The following FPGS variants were observed in gnomAD, a reference collection of about 807,000 sequenced individuals.
The protein encoded by FPGS is folylpolyglutamate synthase, also known as folylpolyglutamate synthase, mitochondrial.
A neutral mutation model predicts 66.5 loss-of-function variants in FPGS; 53 were observed. That is an observed-to-expected ratio of 0.80 (90% CI 0.64 to 1.00). The LOEUF (loss-of-function observed/expected upper bound fraction) is 1.00. Ranked by LOEUF, FPGS falls within the 50% of genes least tolerant of loss-of-function variation. The pLI is 0.00. For missense variants in FPGS, 702 were observed against 807.7 expected (o/e 0.87, Z 1.59); for synonymous variants, 348 against 350.9 (o/e 0.99, Z 0.09).
chr9:127,809,674 C>A lies in FPGS; in HGVS notation c.1061-10C>A. On this transcript the variant is annotated splice_polypyrimidine_tract_variant and intron_variant, in intron 11 of 14. Transcript: ENST00000373247. ...AGGGCCTGGAGGACTGCCTTGCTGC[C>A]CTCCCCCAGGGCTTCGGAACACGGA... 6.3e-7 allele frequency: 1 copy of A among 1,582,890 alleles called. No homozygotes were observed. Among genetic ancestry groups the A allele is most frequent in the South Asian group, 1.1e-5 (1 of 89,110 alleles).
intron 4 of FPGS, chr9:127,804,995 TCTC>T (rs1829754353): frequency 2.9e-6 from 1 of 339,602 alleles, no homozygotes; most frequent in African/African-American, 2.2e-5. Context: ...TTCAAGCAAT[TCTC>T]CTGCTTCAGC....
chr9:127,809,876 A>G (rs1268890727), intron 12 of FPGS, 42 bp downstream of exon 12: 2 of 704,256 alleles, frequency 2.8e-6, no homozygotes, highest in East Asian at 5.1e-5. Context: ...CTGGCCCACG[A>G]GGAGGGGCGG....
intron 1 of FPGS, chr9:127,803,501 C>T (rs182106590): frequency 1.4e-5 from 11 of 800,628 alleles, no homozygotes; most frequent in Admixed American, 6.2e-5. Context: ...ATCCAAGTGC[C>T]TGGATTTGGG....
intron 4 of FPGS, chr9:127,806,460 T>A (rs1211686905): frequency 6.3e-6 from 1 of 158,398 alleles, no homozygotes; most frequent in Non-Finnish European, 1.4e-5. Flanking sequence ...GAGCCAAGAT[T>A]GCACCACTGC....
intron 13 of FPGS, 44 bp downstream of exon 13, chr9:127,810,150 C>T (rs1830012364): frequency 6.4e-7 from 1 of 1,561,838 alleles, no homozygotes; most frequent in South Asian, 1.1e-5. Flanking sequence ...GTCCTGAAGC[C>T]CTGGGTCTGG....
intron 14 of FPGS, among the ~76,000 whole-genome samples, chr9:127,811,545 G>A (rs576595498): frequency 3.9e-4 from 60 of 152,230 alleles, no homozygotes; most frequent in Non-Finnish European, 5.9e-5. Flanking sequence ...GAATATAGTG[G>A]CACAATCTCA....
intron 8 of FPGS, chr9:127,808,022 C>T (rs1829889218): frequency 3.4e-6 from 2 of 582,408 alleles, no homozygotes; most frequent in Non-Finnish European, 6.1e-6. Flanking sequence ...AGGAGAATCA[C>T]TCGAACCCGG....
In FPGS at chr9:127,811,009, C is replaced by A; in HGVS notation, c.1352C>A (p.Ala451Glu). The stretch of plus-strand genomic sequence containing the variant: ...ACAGAGGTGTCATCCACAGGCAACG[C>A]AGGTGAGAGGTGACAGGCATGGCCC... Reference protein sequence around the residue: ...NLTEVSSTGNADQQNFTVTLD... With the variant: ...NLTEVSSTGNEDQQNFTVTLD... Residue 451 changes from alanine (A) to glutamate (E), a missense_variant and splice_region_variant, in exon 14 of 15, where the codon GCA becomes GAA. Coordinates refer to ENST00000373247, the MANE Select transcript of FPGS (RefSeq NM_004957.6). 1 of 1,584,522 alleles carries A rather than the reference C, an allele frequency of 6.3e-7. No homozygotes were observed.
chr9:127,808,432 G>T lies in FPGS; in HGVS notation c.822+121G>T, dbSNP rs373153022. The stretch of plus-strand genomic sequence containing the variant: ...GTGCAGTGAGGACGCTGGGCCAGCT[G>T]CCAGGCCTGCTGGAACACATCTCAG... On this transcript the variant is annotated intron_variant, in intron 9 of 14. Coordinates refer to ENST00000373247, the MANE Select transcript of FPGS (RefSeq NM_004957.6). The T allele has an allele frequency of 3.3e-5, 50 of 1,510,798 alleles. No individual in the cohort carries two copies. The African/African-American group carries it at 5.1e-4, about 15-fold the overall frequency. 93.6% of individuals were successfully genotyped at this position (1,510,798 alleles called of 1,614,324 possible).
Position 127,813,913 on chromosome 9 carries a change from C to T in FPGS, c.*309C>T, listed in dbSNP as rs147198790. 1.8e-5 allele frequency: 21 copies of T among 1,155,802 alleles called. No individual in the cohort carries two copies. The highest frequency in any genetic ancestry group is 8.3e-5 in the South Asian group (2 of 24,148). The allele number at this position is 1,155,802 out of a possible 1,614,324, so 71.6% of individuals were successfully genotyped here. A position where few individuals can be genotyped will look rare whatever the true frequency, so the allele number is the denominator to read the frequency against. On this transcript the variant is annotated 3_prime_UTR_variant, in exon 15 of 15. Transcript: ENST00000373247. ...TGGCTCAGGCCCAGCTTATTGTGTG[C>T]GCTGCCTGGCCAGGCCCTGGGTCTT... is the stretch of plus-strand genomic sequence containing the variant.
In FPGS at chr9:127,803,068, A is replaced by AGGCGGGCC; in HGVS notation, c.138+7_138+14dup. The AGGCGGGCC allele has an allele frequency of 1.3e-5, 18 of 1,390,636 alleles. No individual in the cohort carries two copies. The highest frequency in any genetic ancestry group is 1.7e-5 in the Non-Finnish European group (18 of 1,078,286). The allele number at this position is 1,390,636 out of a possible 1,614,324, so 86.1% of individuals were successfully genotyped here. ...AGCCGAGCATGGAGTACCAGGTATC[A>AGGCGGGCC]GGCGGGCCAGCGGGCCAGCGGGCCT... is the stretch of plus-strand genomic sequence containing the variant. On this transcript the variant is annotated splice_region_variant and intron_variant, in intron 1 of 14. Coordinates refer to ENST00000373247, the MANE Select transcript of FPGS (RefSeq NM_004957.6).
chr9:127,808,747 G>A, intron 10 of FPGS, 42 bp downstream of exon 10: 3 of 1,560,948 alleles, frequency 1.9e-6, no homozygotes, highest in Non-Finnish European at 2.6e-6. Context: ...GGTGGCACCT[G>A]TGGAGCCTGC....
rs750966772 is a variant in FPGS, at chr9:127,807,503, C to T, written c.641+21C>T. On this transcript the variant is annotated intron_variant, in intron 7 of 14. Coordinates refer to ENST00000373247, the MANE Select transcript of FPGS (RefSeq NM_004957.6). The surrounding 1 kb of genome is among the most constrained non-coding windows in gnomAD (Gnocchi z 5.8). The stretch of plus-strand genomic sequence containing the variant: ...ATCAGGTGAGCGCAGTTGCTTGGGA[C>T]GAGGGGTGGCAGCCAGGAGCACAGC... 9 of 1,613,590 alleles carry T rather than the reference C, an allele frequency of 5.6e-6. No homozygotes were observed. The African/African-American group carries it at 6.7e-5, about 12-fold the overall frequency.
At chr9:127,810,169 C>T (rs983044729) in intron 13 of FPGS, 63 bp downstream of exon 13, 19 of 1,409,914 alleles carry the variant, frequency 1.3e-5, no homozygotes, top group Non-Finnish European at 1.8e-5. Flanking sequence ...GGCGGTGTGA[C>T]CCTGGGGGGT....
chr9:127,805,658 A>G (rs116949171), intron 4 of FPGS, among the ~76,000 whole-genome samples: 3,121 of 152,340 alleles, frequency 0.02, 57 homozygotes, highest in South Asian at 0.034. Flanking sequence ...AAAATCACAT[A>G]GAGATATTTA....
chr9:127,807,704 G>C lies in FPGS; in HGVS notation c.744+16G>C. On this transcript the variant is annotated intron_variant, in intron 8 of 14. Transcript: ENST00000373247. This position sits in a 1 kb window ranked among gnomAD's most constrained non-coding sequence, Gnocchi z 5.8. ...CATCTTTAAGGTGACCAGGCAGACT[G>C]GGGGAAGGGAGAGACATGGAAGGCC... The C allele has an allele frequency of 1.8e-5, 27 of 1,524,636 alleles. No homozygotes were observed. Among genetic ancestry groups the C allele is most frequent in the Non-Finnish European group, 2.4e-5 (27 of 1,123,148 alleles). 94.4% of individuals were successfully genotyped at this position (1,524,636 alleles called of 1,614,324 possible).
intron 14 of FPGS, 50 bp from the exon 15 acceptor site, chr9:127,813,145 C>T (rs1442510011): frequency 6.6e-7 from 1 of 1,517,912 alleles, no homozygotes; most frequent in Non-Finnish European, 8.8e-7. Flanking sequence ...CCACCCCTGT[C>T]CCTTACTCCC....
rs1340280375 is a variant in FPGS, at chr9:127,804,710, TGTG to T, written c.386+12_386+14del. The T allele has an allele frequency of 1.2e-6, 2 of 1,613,564 alleles. No homozygotes were observed. The highest frequency in any genetic ancestry group is 2.7e-5 in the African/African-American group (2 of 74,838). Reference sequence around the variant, plus strand: ...AGACGGGATTCTTTAGGTACTGGCTTGTGGGGGGATGTGGTGTCTGTGTCCCAA... The same window carrying T: ...AGACGGGATTCTTTAGGTACTGGCTTGGGGGATGTGGTGTCTGTGTCCCAA... On this transcript the variant is annotated intron_variant, in intron 4 of 14. Transcript: ENST00000373247.
chr9:127,809,023 C>A, intron 11 of FPGS, 134 bp downstream of exon 11: 1 of 690,470 alleles, frequency 1.4e-6, no homozygotes, highest in South Asian at 2.0e-5. Context: ...AGAAAGGACT[C>A]TGATGTCAGC....
Sources: gnomAD v4.1 joint callset for allele counts (sites outside exome capture counted in the v4.1 genomes callset) on GRCh38, gnomAD v4.1.1 for gene constraint, Gnocchi (gnomAD v3.1) non-coding constraint, MANE v1.5 for transcripts, NCBI Gene and HGNC (gene_info 2026-07-23, HGNC 2026-07-21) for gene names.